Variants in SLC6A5 observed in about 807,000 individuals in gnomAD.
The protein encoded by SLC6A5 is sodium- and chloride-dependent glycine transporter 2.
A neutral mutation model predicts 90.5 loss-of-function variants in SLC6A5; 58 were observed. That is an observed-to-expected ratio of 0.64 (90% confidence interval 0.52 to 0.80). The LOEUF (loss-of-function observed/expected upper bound fraction) is 0.80, where lower values mean the gene tolerates loss of function less well. Among genes scored for constraint, SLC6A5 ranks in the 30% least tolerant of loss-of-function variants. SLC6A5 has a pLI of 0.00. For missense variants in SLC6A5, 1,015 were observed against 1,017.6 expected (o/e 1.00, Z 0.03); for synonymous variants, 427 against 401.4 (o/e 1.06, Z -0.76).
chr11:20,631,723 T>C (rs1023836097), intron 10 of SLC6A5, among the ~76,000 whole-genome samples: 33 of 152,142 alleles, frequency 2.2e-4, no homozygotes, highest in African/African-American at 6.8e-4. Context: ...CTGTGGGGCA[T>C]GACTGTGGCC....
Position 20,606,987 on chromosome 11 carries a change from C to G in SLC6A5, c.680-20C>G. The G allele has an allele frequency of 6.2e-7, 1 of 1,614,036 alleles. No individual in the cohort carries two copies. Among genetic ancestry groups the G allele is most frequent in the Admixed American group, 1.7e-5 (1 of 60,014 alleles). On this transcript the variant is annotated intron_variant, in intron 3 of 15. Transcript: ENST00000525748. The stretch of plus-strand genomic sequence containing the variant: ...CTGCTTTTGCCTCCTAGGGCTCTCA[C>G]TCCCCACTCTCTTTCCAAGGTGCTT...
intron 13 of SLC6A5, 149 bp from the exon 14 acceptor site, chr11:20,646,685 T>G: frequency 1.5e-6 from 1 of 676,390 alleles, no homozygotes; most frequent in Non-Finnish European, 2.7e-6. Context: ...TGTCTGATGG[T>G]TCCCTGCATA....
chr11:20,638,210 C>T (rs1045446242), intron 12 of SLC6A5, among the ~76,000 whole-genome samples: 3 of 152,158 alleles, frequency 2.0e-5, no homozygotes, highest in Admixed American at 1.3e-4. Flanking sequence ...GATGTTAAAT[C>T]GCTTTTTTTG....
intron 7 of SLC6A5, among the ~76,000 whole-genome samples, chr11:20,618,331 C>T (rs1396118116): frequency 2.6e-5 from 4 of 152,188 alleles, no homozygotes; most frequent in Admixed American, 6.5e-5. Flanking sequence ...GTAGTAGATT[C>T]CCTCTCCTCA....
intron 10 of SLC6A5, among the ~76,000 whole-genome samples, chr11:20,632,890 C>T (rs1295417180): frequency 6.6e-6 from 1 of 152,170 alleles, no homozygotes; most frequent in Admixed American, 6.5e-5. Context: ...TGACCTAACA[C>T]TATGCGATTT....
At chr11:20,622,263 GCCC>G (rs1480995012) in intron 7 of SLC6A5, among the ~76,000 whole-genome samples, 1 of 152,154 alleles carries the variant, frequency 6.6e-6, no homozygotes, top group East Asian at 1.9e-4. Flanking sequence ...CAAACTGTTG[GCCC>G]TCTCAGTTCA....
intron 10 of SLC6A5, 89 bp downstream of exon 10, chr11:20,630,904 C>G: frequency 6.8e-7 from 1 of 1,478,384 alleles, no homozygotes; most frequent in Non-Finnish European, 9.3e-7. Context: ...GGAAGCTGGC[C>G]TTCTGGAACA....
At chr11:20,610,252 G>A (rs1852668112) in intron 5 of SLC6A5, among the ~76,000 whole-genome samples, 1 of 152,184 alleles carries the variant, frequency 6.6e-6, no homozygotes, top group Non-Finnish European at 1.5e-5. Context: ...TCATTCCCTC[G>A]CGGGTGGACC....
intron 8 of SLC6A5, among the ~76,000 whole-genome samples, chr11:20,627,166 T>A (rs1853014024): frequency 6.6e-6 from 1 of 152,200 alleles, no homozygotes; most frequent in Non-Finnish European, 1.5e-5. Flanking sequence ...GTTTTGCTGG[T>A]GGGAAAATAA....
At position 20,607,417 on chromosome 11, in the gene SLC6A5, C is replaced by T. The variant is rs1223556841; in HGVS notation, c.812-62C>T. 7 of 1,593,298 alleles carry T rather than the reference C, an allele frequency of 4.4e-6. No homozygotes were observed. In the South Asian group the frequency reaches 6.6e-5, roughly 15 times the overall value. On this transcript the variant is annotated intron_variant, in intron 4 of 15. Coordinates refer to ENST00000525748, the MANE Select transcript of SLC6A5 (RefSeq NM_004211.5). ...TAGACCTAGGTCCCCACCCTATGCCCAACTCTAAGAATTCCATAGCATTTA... is the reference window on the plus strand; with the variant it reads ...TAGACCTAGGTCCCCACCCTATGCCTAACTCTAAGAATTCCATAGCATTTA...
intron 5 of SLC6A5, among the ~76,000 whole-genome samples, chr11:20,609,323 C>A (rs1339636195): frequency 1.3e-5 from 2 of 150,648 alleles, no homozygotes; most frequent in Admixed American, 1.3e-4. Context: ...AGGTGTCAAT[C>A]CACACTCTTT....
Position 20,607,136 on chromosome 11 carries a change from A to T in SLC6A5, c.809A>T (p.Gln270Leu). 1 of 1,613,086 alleles carries T rather than the reference A, an allele frequency of 6.2e-7. No individual in the cohort carries two copies. The highest frequency in any genetic ancestry group is 8.5e-7 in the Non-Finnish European group (1 of 1,179,588). The change falls in exon 4 of 16, where the codon CAA (glutamine) becomes CTA (leucine). Residue 270 changes from glutamine (Q) to leucine (L), a missense_variant and splice_region_variant. Coordinates refer to ENST00000525748, the MANE Select transcript of SLC6A5 (RefSeq NM_004211.5). ...VSVWKAIPAL[Q>L]GCGIAMLIIS... ...GTGTGGAAGGCCATCCCAGCTCTAC[A>T]AGGTGAGTCCAGCCTGCCGCTCAGC...
intron 5 of SLC6A5, among the ~76,000 whole-genome samples, chr11:20,611,915 G>A (rs1368862183): frequency 6.6e-6 from 1 of 151,708 alleles, no homozygotes; most frequent in Non-Finnish European, 1.5e-5. Flanking sequence ...TGGAATTCTG[G>A]GGTGACTTAA....
At chr11:20,653,293 G>T (rs767297749) in intron 15 of SLC6A5, among the ~76,000 whole-genome samples, 7 of 152,322 alleles carry the variant, frequency 4.6e-5, no homozygotes, top group Non-Finnish European at 1.0e-4. Context: ...TGTTGGAAAT[G>T]CATATGATCA....
chr11:20,640,097 C>G (rs2133812395), intron 13 of SLC6A5, among the ~76,000 whole-genome samples: 1 of 152,290 alleles, frequency 6.6e-6, no homozygotes, highest in East Asian at 1.9e-4. Flanking sequence ...CCAGGAGAGG[C>G]AAAAAGAAGC....
At chr11:20,634,597 A>G (rs1312419088) in intron 10 of SLC6A5, among the ~76,000 whole-genome samples, 2 of 152,170 alleles carry the variant, frequency 1.3e-5, no homozygotes, top group Non-Finnish European at 2.9e-5. Context: ...GTTGTTCTGC[A>G]TTTGAGACCT....
chr11:20,601,283 G>C lies in SLC6A5; in HGVS notation c.158G>C (p.Arg53Thr). 3 of 1,588,924 alleles carry C rather than the reference G, an allele frequency of 1.9e-6. No homozygotes were observed. Among genetic ancestry groups the C allele is most frequent in the Non-Finnish European group, 2.6e-6 (3 of 1,173,774 alleles). Residue 53 changes from arginine to threonine, a missense_variant, in exon 2 of 16, where the codon AGG becomes ACG. Arg to Thr is a moderately conservative substitution (Grantham distance 71). Around this residue, in one of 3 missense-constraint regions of SLC6A5, gnomAD observed 567 missense variants for 507.3 expected, o/e 1.12. Coordinates refer to ENST00000525748, the MANE Select transcript of SLC6A5 (RefSeq NM_004211.5). Reference protein sequence around the residue: ...AAAPPPPRVPRSASTGAQTFQ... With the variant: ...AAAPPPPRVPTSASTGAQTFQ... ...GCCCCGCCGCCGCCACGTGTGCCCA[G>C]GTCCGCTTCCACCGGCGCCCAAACT...
chr11:20,656,027 C>A lies in SLC6A5; in HGVS notation c.*1159C>A, dbSNP rs544575298. On this transcript the variant is annotated 3_prime_UTR_variant, in exon 16 of 16. Coordinates refer to ENST00000525748, the MANE Select transcript of SLC6A5 (RefSeq NM_004211.5). ...CAGCTTAGGTAAGTAGCGAGTGAGC[C>A]AATTAAGACTATAGCTTTTAAGACT... 4.6e-5 allele frequency: 7 copies of A among 152,210 alleles called. No individual in the cohort carries two copies. Among genetic ancestry groups the A allele is most frequent in the South Asian group, 2.1e-4 (1 of 4,816 alleles). 9.4% of individuals were successfully genotyped at this position (152,210 alleles called of 1,614,324 possible).
At chr11:20,619,859 T>C (rs1852856898) in intron 7 of SLC6A5, among the ~76,000 whole-genome samples, 1 of 152,162 alleles carries the variant, frequency 6.6e-6, no homozygotes, top group Non-Finnish European at 1.5e-5. Flanking sequence ...CAGTGACCCC[T>C]GAGGAACCTG....
Sources: allele counts gnomAD v4.1 joint callset (sites outside exome capture counted in the v4.1 genomes callset), GRCh38; gene constraint gnomAD v4.1.1; regional missense constraint gnomAD v4.1.1; transcripts MANE v1.5; gene names NCBI Gene and HGNC (gene_info 2026-07-23, HGNC 2026-07-21).